The following CPB2 variants were observed in gnomAD, a reference collection of about 807,000 sequenced individuals.
CPB2 encodes carboxypeptidase B2.
A neutral mutation model predicts 57.0 loss-of-function variants in CPB2; 54 were observed. The observed-to-expected ratio is 0.95, with a 90% confidence interval of 0.76 to 1.19. The LOEUF (loss-of-function observed/expected upper bound fraction) is 1.19, where lower values mean the gene tolerates loss of function less well. Among genes scored for constraint, CPB2 ranks in the 50% most tolerant of loss-of-function variants. CPB2 has a pLI of 0.00. For synonymous variants in CPB2, 189 were observed against 178.1 expected (o/e 1.06, Z -0.49); for missense variants, 426 against 512.0 (o/e 0.83, Z 1.62).
intron 1 of CPB2, among the ~76,000 whole-genome samples, chr13:46,088,786 G>A (rs2045248011): frequency 6.6e-6 from 1 of 151,836 alleles, no homozygotes; most frequent in Non-Finnish European, 1.5e-5. Flanking sequence ...TTGATTATCG[G>A]CCATTCATAT....
chr13:46,061,704 A>C (rs2139352973), intron 8 of CPB2, among the ~76,000 whole-genome samples: 1 of 152,236 alleles, frequency 6.6e-6, no homozygotes, highest in East Asian at 1.9e-4. Context: ...TAAGCCACCC[A>C]ACCTATGGTA....
chr13:46,058,275 G>A lies in CPB2; in HGVS notation c.903C>T (p.Asn301=), dbSNP rs577140119. Reference sequence around the variant, plus strand: ...GCATGCTGATGTATGCTTTAATCTGGTTGATATTTCTTCTCAAGAAACTAG... The same window carrying A: ...GCATGCTGATGTATGCTTTAATCTGATTGATATTTCTTCTCAAGAAACTAG... ...AVASFLRRNI[N]QIKAYISMHS... Residue 301 remains asparagine, a synonymous_variant, in exon 9 of 11, where the codon AAC becomes AAT. Coordinates refer to ENST00000181383, the MANE Select transcript of CPB2 (RefSeq NM_001872.5). 1.9e-6 allele frequency: 3 copies of A among 1,613,966 alleles called. No individual in the cohort carries two copies. The East Asian group carries it at 6.7e-5, about 36-fold the overall frequency.
At chr13:46,091,249 T>G (rs1415970295) in intron 1 of CPB2, among the ~76,000 whole-genome samples, 2 of 152,180 alleles carry the variant, frequency 1.3e-5, no homozygotes, top group African/African-American at 4.8e-5. Flanking sequence ...CACACACTAT[T>G]AGGTTGGTGC....
chr13:46,098,811 G>A (rs1434284058), intron 1 of CPB2: 1 of 152,232 alleles, frequency 6.6e-6, no homozygotes, highest in Non-Finnish European at 1.5e-5. Context: ...TACATCACAG[G>A]TCAGTTTCTC....
intron 2 of CPB2, 63 bp from the exon 3 acceptor site, chr13:46,084,406 T>G: frequency 6.3e-7 from 1 of 1,575,156 alleles, no homozygotes; most frequent in Non-Finnish European, 8.7e-7. Context: ...TTCTCATCTG[T>G]AGCTAGAGCC....
At chr13:46,078,346 G>C (rs930528802) in intron 5 of CPB2, among the ~76,000 whole-genome samples, 1 of 151,268 alleles carries the variant, frequency 6.6e-6, no homozygotes, top group Non-Finnish European at 1.5e-5. Context: ...GTCCACTAAC[G>C]AAAATAAAAC....
chr13:46,080,299 G>A (rs1019464082), intron 4 of CPB2, among the ~76,000 whole-genome samples: 1 of 152,182 alleles, frequency 6.6e-6, no homozygotes, highest in Non-Finnish European at 1.5e-5. Context: ...AGTCCATCTT[G>A]TAGGTAGGGC....
At chr13:46,077,145 A>G (rs150039128) in intron 5 of CPB2, among the ~76,000 whole-genome samples, 2 of 152,232 alleles carry the variant, frequency 1.3e-5, no homozygotes, top group Non-Finnish European at 2.9e-5. Context: ...AAAGAAAAAA[A>G]TGGGAGAAAA....
At chr13:46,057,177 C>G (rs371685015) in intron 9 of CPB2, among the ~76,000 whole-genome samples, 1 of 151,222 alleles carries the variant, frequency 6.6e-6, no homozygotes, top group Non-Finnish European at 1.5e-5. Context: ...CATAATTAGA[C>G]TAATTCTACT....
chr13:46,062,268 C>G (rs1021401049), intron 8 of CPB2, among the ~76,000 whole-genome samples: 6 of 151,926 alleles, frequency 3.9e-5, no homozygotes, highest in African/African-American at 1.5e-4. Flanking sequence ...TAAAAACTTC[C>G]AAAAGGGAAC....
chr13:46,097,932 G>A (rs191263301), intron 1 of CPB2, among the ~76,000 whole-genome samples: 1 of 152,280 alleles, frequency 6.6e-6, no homozygotes, highest in Admixed American at 6.5e-5. Context: ...TGTTGTTACT[G>A]TCCAGTCATT....
In CPB2 at chr13:46,063,194, G is replaced by T. The variant is rs557711458; in HGVS notation, c.796+1454C>A. Among the ~76,000 whole-genome samples, 12 of 152,292 alleles carry T rather than the reference G, an allele frequency of 7.9e-5. No homozygotes were observed. In the East Asian group the frequency reaches 1.5e-3, roughly 20 times the overall value. On this transcript the variant is annotated intron_variant, in intron 8 of 10. Transcript: ENST00000181383. ...ACTTCTTTGTCTTCGGGTTCAGGGG[G>T]TACATGTGCAGGTTTTTTCCATGGA...
At position 46,082,544 on chromosome 13, in the gene CPB2, A is replaced by G. The variant is rs758677294; in HGVS notation, c.281T>C (p.Leu94Ser). 2.5e-6 allele frequency: 4 copies of G among 1,608,508 alleles called. No individual in the cohort carries two copies. The highest frequency in any genetic ancestry group is 3.4e-6 in the Non-Finnish European group (4 of 1,175,020). Residue 94 changes from leucine to serine, a missense_variant, in exon 4 of 11, where the codon TTG becomes TCG. Coordinates refer to ENST00000181383, the MANE Select transcript of CPB2 (RefSeq NM_001872.5). ...AATAAGATCTTCCACATCTGCCAGCAAGACACTAGGTGATGAAACAGAGAG... is the reference window on the plus strand; with the variant it reads ...AATAAGATCTTCCACATCTGCCAGCGAGACACTAGGTGATGAAACAGAGAG... ...LNVSGIPCSV[L>S]LADVEDLIQQ...
At chr13:46,064,501 A>G in intron 8 of CPB2, 147 bp downstream of exon 8, 1 of 632,670 alleles carries the variant, frequency 1.6e-6, no homozygotes, top group Non-Finnish European at 2.7e-6. Context: ...CAGTCGCAGC[A>G]TTACATTTAC....
chr13:46,061,500 T>C (rs1477260399), intron 8 of CPB2, among the ~76,000 whole-genome samples: 1 of 152,066 alleles, frequency 6.6e-6, no homozygotes, highest in African/African-American at 2.4e-5. Context: ...TCTAATCCAA[T>C]GTGACTGGTG....
At chr13:46,073,804 G>C in intron 6 of CPB2, 69 bp downstream of exon 6, 1 of 995,786 alleles carries the variant, frequency 1.0e-6, no homozygotes, top group Non-Finnish European at 1.5e-6. Context: ...AAATAGCCCA[G>C]TTGAGTCTGA....
rs767565541 is a variant in CPB2, at chr13:46,058,274, G to A, written c.904C>T (p.Gln302Ter). The change falls in exon 9 of 11, where the codon CAG (glutamine) becomes TAG (stop). Residue 302 changes from glutamine (Q) to a stop codon, truncating the protein, a stop_gained. Coordinates refer to ENST00000181383, the MANE Select transcript of CPB2 (RefSeq NM_001872.5). LOFTEE classifies it high-confidence loss of function. The stretch of plus-strand genomic sequence containing the variant: ...TGCATGCTGATGTATGCTTTAATCT[G>A]GTTGATATTTCTTCTCAAGAAACTA... ...VASFLRRNIN[Q>*]IKAYISMHSY... 1 of 1,613,944 alleles carries A rather than the reference G, an allele frequency of 6.2e-7. No individual in the cohort carries two copies. Among genetic ancestry groups the A allele is most frequent in the South Asian group, 1.1e-5 (1 of 91,076 alleles).
chr13:46,053,831 A>G, intron 10 of CPB2, 33 bp from the exon 11 acceptor site: 1 of 1,569,346 alleles, frequency 6.4e-7, no homozygotes, highest in Non-Finnish European at 8.7e-7. Context: ...GTTGAAATAC[A>G]GACGTTTCAA....
At position 46,084,200 on chromosome 13, in the gene CPB2, C is replaced by T. The variant is rs760676300; in HGVS notation, c.275+19G>A. The T allele has an allele frequency of 4.3e-6, 7 of 1,612,984 alleles. No individual in the cohort carries two copies. Among genetic ancestry groups the T allele is most frequent in the African/African-American group, 4.0e-5 (3 of 74,892 alleles). On this transcript the variant is annotated intron_variant, in intron 3 of 10. Transcript: ENST00000181383. ...AAGTGTTTATAATAACTACTCAATA[C>T]GTATTGAACGGTGCCTACCTGCATG...
Sources: gnomAD v4.1 joint callset for allele counts (sites outside exome capture counted in the v4.1 genomes callset) on GRCh38, gnomAD v4.1.1 for gene constraint, MANE v1.5 for transcripts, NCBI Gene and HGNC (gene_info 2026-07-23, HGNC 2026-07-21) for gene names.